The following KSR2 variants were observed in gnomAD, a reference collection of about 807,000 sequenced individuals.
KSR2 encodes the protein kinase suppressor of ras 2.
A neutral mutation model predicts 107.8 loss-of-function variants in KSR2; 25 were observed. The observed-to-expected ratio is 0.23, with a 90% CI of 0.17 to 0.32. The LOEUF is 0.32. Ranked by LOEUF, KSR2 falls within the 10% of genes least tolerant of loss-of-function variation. KSR2 has a pLI of 1.00. For missense variants in KSR2, 887 were observed against 1,268.9 expected, an observed-to-expected ratio of 0.70 and a Z score of 4.57; for synonymous variants, 480 against 507.0, an observed-to-expected ratio of 0.95 and a Z score of 0.71.
intron 4 of KSR2, among the ~76,000 whole-genome samples, chr12:117,752,062 GA>G (rs1888630877): frequency 6.6e-6 from 1 of 152,168 alleles, no homozygotes; most frequent in Admixed American, 6.5e-5. Context: ...TATACCTCCT[GA>G]AATCTTATTT....
intron 4 of KSR2, among the ~76,000 whole-genome samples, chr12:117,728,005 G>T (rs111568161): frequency 1.3e-3 from 200 of 152,302 alleles, no homozygotes; most frequent in African/African-American, 4.6e-3. Flanking sequence ...AGTTCTGCAA[G>T]AGATCTAAGC....
At chr12:117,892,787 CAAAAAAAAAAAAAAA>C (rs35897528) in intron 1 of KSR2, among the ~76,000 whole-genome samples, 2 of 87,124 alleles carry the variant, frequency 2.3e-5, no homozygotes, top group East Asian at 6.1e-4. Flanking sequence ...GTGCTATGTG[CAAAAAAAAAAAAAAA>C]AAAAAAAAAA....
intron 5 of KSR2, among the ~76,000 whole-genome samples, chr12:117,666,707 G>A (rs1016885465): frequency 3.3e-5 from 5 of 152,172 alleles, no homozygotes; most frequent in Non-Finnish European, 7.3e-5. Context: ...AAGGGCCAGG[G>A]GTTATTTCTT....
intron 5 of KSR2, among the ~76,000 whole-genome samples, chr12:117,659,662 C>T (rs1237965646): frequency 6.6e-6 from 1 of 152,174 alleles, no homozygotes; most frequent in Non-Finnish European, 1.5e-5. Flanking sequence ...GCAAGTCCTT[C>T]CTACTCTCTA....
chr12:117,689,299 C>T (rs756464972), intron 4 of KSR2, among the ~76,000 whole-genome samples: 11 of 152,014 alleles, frequency 7.2e-5, no homozygotes, highest in Non-Finnish European at 1.2e-4. Flanking sequence ...CCAGGTGCAG[C>T]AAAGCAGAGA....
rs1870847216 is a variant in KSR2 at position 117,460,694 on chromosome 12, A to C, written c.*6505T>G. ...GTAACATCCCCATGAGCAGCTGGAC[A>C]TGAACCCCTTGACCTGGAGGTGGGT... is the stretch of plus-strand genomic sequence containing the variant. On this transcript the variant is annotated 3_prime_UTR_variant, in exon 20 of 20. Transcript: ENST00000339824. 6.6e-6 allele frequency: 1 copy of C among 152,212 alleles called. No individual in the cohort carries two copies. Among genetic ancestry groups the C allele is most frequent in the Non-Finnish European group, 1.5e-5 (1 of 68,058 alleles). The allele number at this position is 152,212 out of a possible 1,614,324, so 9.4% of individuals were successfully genotyped here.
intron 12 of KSR2, among the ~76,000 whole-genome samples, chr12:117,528,881 T>G (rs1179678130): frequency 1.3e-5 from 2 of 152,238 alleles, no homozygotes; most frequent in Admixed American, 1.3e-4. Context: ...CGCAAGCAGC[T>G]ATTGACTCTG....
At chr12:117,728,936 A>G (rs1358966168) in intron 4 of KSR2, among the ~76,000 whole-genome samples, 1 of 152,216 alleles carries the variant, frequency 6.6e-6, no homozygotes, top group African/African-American at 2.4e-5. Flanking sequence ...CCATCTCTTC[A>G]TCTGACAAAT....
intron 3 of KSR2, among the ~76,000 whole-genome samples, chr12:117,772,720 A>G (rs1462210293): frequency 6.6e-6 from 1 of 151,636 alleles, no homozygotes; most frequent in Non-Finnish European, 1.5e-5. Context: ...ACAAACACAC[A>G]CTCACACATA....
chr12:117,532,162 T>C (rs192490186), intron 10 of KSR2, among the ~76,000 whole-genome samples: 17 of 152,374 alleles, frequency 1.1e-4, no homozygotes, highest in Non-Finnish European at 2.4e-4. Flanking sequence ...TTTGTGCCTG[T>C]AACAAATTAC....
At chr12:117,749,473 A>AC (rs35800019) in intron 4 of KSR2, among the ~76,000 whole-genome samples, 41,411 of 151,454 alleles carry the variant, frequency 0.27, 5,769 homozygotes, top group East Asian at 0.41. Context: ...AACTCGATAT[A>AC]CCATAGGAAA....
intron 1 of KSR2, among the ~76,000 whole-genome samples, chr12:117,874,967 T>C (rs1893785837): frequency 1.3e-5 from 2 of 152,124 alleles, no homozygotes; most frequent in Admixed American, 6.5e-5. Flanking sequence ...GGATCACAGG[T>C]TGCGGAAATC....
chr12:117,773,690 T>C (rs1889587204), intron 3 of KSR2, among the ~76,000 whole-genome samples: 1 of 152,244 alleles, frequency 6.6e-6, no homozygotes, highest in African/African-American at 2.4e-5. Context: ...AGATGCTGGC[T>C]GAAAATATTA....
chr12:117,956,249 C>CATAAAAA (rs1491387208), intron 1 of KSR2, among the ~76,000 whole-genome samples: 1 of 47,478 alleles, frequency 2.1e-5, no homozygotes, highest in Non-Finnish European at 3.9e-5. Flanking sequence ...GACTCTGTCT[C>CATAAAAA]AAAAAAAAAA....
At chr12:117,779,549 C>CT (rs1889808998) in intron 3 of KSR2, among the ~76,000 whole-genome samples, 1 of 152,190 alleles carries the variant, frequency 6.6e-6, no homozygotes, top group Non-Finnish European at 1.5e-5. Flanking sequence ...CCACTCAACT[C>CT]TCATCTCGAA....
intron 1 of KSR2, among the ~76,000 whole-genome samples, chr12:117,910,836 G>T (rs916144573): frequency 2.6e-5 from 4 of 152,100 alleles, no homozygotes; most frequent in Non-Finnish European, 4.4e-5. Context: ...GGGCATATGT[G>T]GGCTCAACTC....
In KSR2 at chr12:117,666,721, C is replaced by T. The variant is rs149512635; in HGVS notation, c.1171+753G>A. Among the ~76,000 whole-genome samples the T allele has an allele frequency of 1.5e-3, 226 of 152,346 alleles. 1 individual carries two copies. Among genetic ancestry groups the T allele is most frequent in the Non-Finnish European group, 2.5e-3 (169 of 68,034 alleles). ...TAAGGGCCAGGGGTTATTTCTTCTA[C>T]ATTCTCAGAGCCCTTCCTTCTCTTG... On this transcript the variant is annotated intron_variant, in intron 5 of 19. Coordinates refer to ENST00000339824, the MANE Select transcript of KSR2 (RefSeq NM_173598.6).
In KSR2 at chr12:117,525,156, G is replaced by C; in HGVS notation, c.1915C>G (p.Leu639Val). ...EDDFEEMNLSLLSARSFPRKA... is the reference protein window; with the variant it reads ...EDDFEEMNLSVLSARSFPRKA... ...CGTGGGAAGCTCCGGGCCGAGAGGA[G>C]GGACAGGTTCATCTCCTCGAAGTCA... Residue 639 changes from leucine to valine, a missense_variant, in exon 14 of 20, where the codon CTC (leucine) becomes GTC (valine). Physicochemically the swap from Leu to Val is conservative, Grantham distance 32. Transcript: ENST00000339824. 1.9e-6 allele frequency: 3 copies of C among 1,613,928 alleles called. No homozygotes were observed. Among genetic ancestry groups the C allele is most frequent in the Non-Finnish European group, 2.5e-6 (3 of 1,179,822 alleles).
intron 1 of KSR2, among the ~76,000 whole-genome samples, chr12:117,915,437 A>T (rs913985996): frequency 7.9e-5 from 12 of 152,236 alleles, no homozygotes; most frequent in Admixed American, 1.3e-4. Context: ...AATTTTGGGA[A>T]GACACAAACA....
Sources: allele counts gnomAD v4.1 joint callset (sites outside exome capture counted in the v4.1 genomes callset), GRCh38; gene constraint gnomAD v4.1.1; transcripts MANE v1.5; gene names NCBI Gene and HGNC (gene_info 2026-07-23, HGNC 2026-07-21).